The following HSPA14 variants were observed in gnomAD, a reference collection of about 807,000 sequenced individuals.
HSPA14 encodes heat shock protein family A (Hsp70) member 14.
Under a neutral mutation model 65.5 loss-of-function variants are expected in HSPA14, and 37 were observed. The ratio of observed to expected loss-of-function variants is 0.56; its 90% confidence interval spans 0.43 to 0.74. HSPA14 has a LOEUF of 0.74. HSPA14 is among the 30% of genes least tolerant of loss of function. The pLI, the probability that HSPA14 is intolerant of heterozygous loss-of-function variation, is 0.00. For synonymous variants in HSPA14, 203 were observed against 214.2 expected (o/e 0.95, Z 0.46); for missense variants, 564 against 607.6 (o/e 0.93, Z 0.75).
At chr10:14,839,698 G>C (rs1037333206) in intron 1 of HSPA14, among the ~76,000 whole-genome samples, 1 of 152,196 alleles carries the variant, frequency 6.6e-6, no homozygotes. Flanking sequence ...TGACTTTGCA[G>C]AGCAGACTGA....
intron 3 of HSPA14, chr10:14,844,206 G>C: frequency 8.7e-7 from 1 of 1,148,206 alleles, no homozygotes; most frequent in Non-Finnish European, 1.1e-6. Flanking sequence ...TCCGTAAAAT[G>C]GGGATCAATA....
chr10:14,864,920 A>G (rs1832791942), intron 10 of HSPA14, among the ~76,000 whole-genome samples: 1 of 150,634 alleles, frequency 6.6e-6, no homozygotes, highest in Non-Finnish European at 1.5e-5. Flanking sequence ...CAATGGTTGA[A>G]CTAGTTTACA....
At chr10:14,843,450 C>T (rs1179908780) in intron 3 of HSPA14, 1 of 1,550,712 alleles carries the variant, frequency 6.4e-7, no homozygotes. Flanking sequence ...AGAGCAGCCC[C>T]ATGGCCAGAC....
At chr10:14,841,703 G>A (rs1458105461) in intron 3 of HSPA14, among the ~76,000 whole-genome samples, 1 of 152,180 alleles carries the variant, frequency 6.6e-6, no homozygotes, top group Non-Finnish European at 1.5e-5. Flanking sequence ...TATTAGCAGA[G>A]CAACTTAAAC....
chr10:14,871,127 A>G (rs1476164394), intron 13 of HSPA14, among the ~76,000 whole-genome samples: 2 of 152,234 alleles, frequency 1.3e-5, no homozygotes, highest in African/African-American at 4.8e-5. Context: ...TCCTTTCCAA[A>G]TGAAACTTAA....
chr10:14,867,128 C>G lies in HSPA14; in HGVS notation c.1039C>G (p.Leu347Val), dbSNP rs1355708576. The G allele has an allele frequency of 3.1e-6, 5 of 1,613,674 alleles. No homozygotes were observed. Among genetic ancestry groups the G allele is most frequent in the Non-Finnish European group, 3.4e-6 (4 of 1,179,800 alleles). The part of the protein sequence containing the change: ...GSSRIPKLQQ[L>V]IKDLFPAVEL... ...TTCTCGAATCCCAAAGCTACAGCAA[C>G]TGATTAAAGATCTTTTCCCAGCTGT... Residue 347 changes from leucine (L) to valine (V), a missense_variant, in exon 11 of 14, where the codon CTG becomes GTG. By Grantham distance (32) the Leu-to-Val change is conservative. Coordinates refer to ENST00000378372, the MANE Select transcript of HSPA14 (RefSeq NM_016299.4).
intron 10 of HSPA14, among the ~76,000 whole-genome samples, chr10:14,857,881 T>C (rs1416539085): frequency 6.6e-6 from 1 of 152,166 alleles, no homozygotes; most frequent in Non-Finnish European, 1.5e-5. Context: ...TTTTGCAGTT[T>C]AGTTCAATAA....
chr10:14,855,161 A>G (rs1353094045), intron 9 of HSPA14, among the ~76,000 whole-genome samples: 1 of 152,182 alleles, frequency 6.6e-6, no homozygotes, highest in African/African-American at 2.4e-5. Context: ...CATTAGGGAA[A>G]TTTTGCCTTT....
At chr10:14,843,935 G>A (rs1334013525) in intron 3 of HSPA14, 2 of 1,531,044 alleles carry the variant, frequency 1.3e-6, no homozygotes, top group East Asian at 2.4e-5. Context: ...ACTGGTAGAA[G>A]TCTAGTTCCC....
chr10:14,850,099 C>T (rs529292101), intron 6 of HSPA14, among the ~76,000 whole-genome samples: 1 of 152,146 alleles, frequency 6.6e-6, no homozygotes, highest in African/African-American at 2.4e-5. Context: ...TATGGCCAAA[C>T]CCTGTCTCTA....
chr10:14,862,498 C>T (rs1832759259), intron 10 of HSPA14, among the ~76,000 whole-genome samples: 2 of 151,528 alleles, frequency 1.3e-5, no homozygotes, highest in Middle Eastern at 6.9e-3. Context: ...CCTCAGCCTC[C>T]CGAGTAGCTG....
intron 10 of HSPA14, among the ~76,000 whole-genome samples, chr10:14,862,379 T>TC (rs1207316941): frequency 6.8e-6 from 1 of 147,252 alleles, no homozygotes; most frequent in Admixed American, 6.7e-5. Context: ...TTCTTTTCTT[T>TC]TTTTTTTTTT....
At chr10:14,862,376 CTT>C (rs753404160) in intron 10 of HSPA14, among the ~76,000 whole-genome samples, 9 of 128,616 alleles carry the variant, frequency 7.0e-5, no homozygotes, top group African/African-American at 5.8e-5. Flanking sequence ...CTTTTCTTTT[CTT>C]TTTTTTTTTT....
intron 3 of HSPA14, chr10:14,843,713 T>C (rs768381402): frequency 2.4e-5 from 37 of 1,538,716 alleles, no homozygotes; most frequent in Non-Finnish European, 2.8e-5. Flanking sequence ...GAAGAAAAAC[T>C]GGACAGGCTG....
At chr10:14,863,098 A>C (rs1262655485) in intron 10 of HSPA14, among the ~76,000 whole-genome samples, 1 of 152,242 alleles carries the variant, frequency 6.6e-6, no homozygotes, top group Non-Finnish European at 1.5e-5. Flanking sequence ...TTAAAGCTAT[A>C]TAATGAATTA....
At chr10:14,860,376 A>AC (rs1389255033) in intron 10 of HSPA14, among the ~76,000 whole-genome samples, 7 of 152,316 alleles carry the variant, frequency 4.6e-5, no homozygotes, top group African/African-American at 1.7e-4. Flanking sequence ...CAATATAGTG[A>AC]GGATATACAG....
Position 14,871,510 on chromosome 10 carries a change from AT to A in HSPA14, c.1452-11del. 14 of 1,486,536 alleles carry A rather than the reference AT, an allele frequency of 9.4e-6. No individual in the cohort carries two copies. Among genetic ancestry groups the A allele is most frequent in the East Asian group, 2.3e-5 (1 of 43,370 alleles). 92.1% of individuals were successfully genotyped at this position (1,486,536 alleles called of 1,614,324 possible). A position where few individuals can be genotyped will look rare whatever the true frequency, so the allele number is the denominator to read the frequency against. ...AAAATGAGCTTGTGCAATGTTCTTT[AT>A]TTTTTTGTCTGTTTAGGGATGGATC... On this transcript the variant is annotated splice_polypyrimidine_tract_variant and intron_variant, in intron 13 of 13. Coordinates refer to ENST00000378372, the MANE Select transcript of HSPA14 (RefSeq NM_016299.4).
At chr10:14,849,864 C>T in intron 6 of HSPA14, 53 bp downstream of exon 6, 1 of 1,058,966 alleles carries the variant, frequency 9.4e-7, no homozygotes, top group Non-Finnish European at 1.4e-6. Flanking sequence ...TACAAAGTCA[C>T]TATATAGTAA....
At chr10:14,843,882 T>C (rs1323263095) in intron 3 of HSPA14, 1 of 1,536,044 alleles carries the variant, frequency 6.5e-7, no homozygotes, top group South Asian at 1.2e-5. Context: ...TGATTTCGAA[T>C]ACCAAAAGCT....
Sources: allele counts gnomAD v4.1 joint callset (sites outside exome capture counted in the v4.1 genomes callset), GRCh38; gene constraint gnomAD v4.1.1; transcripts MANE v1.5; gene names NCBI Gene and HGNC (gene_info 2026-07-23, HGNC 2026-07-21).